FLT1: variants seen among roughly 807,000 people sequenced by gnomAD.
FLT1 encodes the protein fms related receptor tyrosine kinase 1.
A neutral mutation model predicts 156.3 loss-of-function variants in FLT1; 49 were observed. The observed-to-expected ratio is 0.31, with a 90% CI of 0.25 to 0.40. The LOEUF is 0.40. Ranked by LOEUF, FLT1 falls within the 10% of genes least tolerant of loss-of-function variation. FLT1 has a pLI of 1.00. For synonymous variants in FLT1, 594 were observed against 583.8 expected, an observed-to-expected ratio of 1.02 and a Z score of -0.25; for missense variants, 1,322 against 1,637.2, an observed-to-expected ratio of 0.81 and a Z score of 3.32.
intron 12 of FLT1, among the ~76,000 whole-genome samples, chr13:28,392,550 T>C (rs188019116): frequency 1.4e-4 from 22 of 152,298 alleles, no homozygotes; most frequent in Non-Finnish European, 2.5e-4. Context: ...AGTAACACCA[T>C]TGAGATCGTG....
intron 15 of FLT1, 38 bp downstream of exon 15, chr13:28,357,516 T>A (rs1449831927): frequency 4.3e-6 from 7 of 1,610,360 alleles, no homozygotes; most frequent in Non-Finnish European, 5.9e-6. Context: ...AATAGATGTC[T>A]GACCAATTTC....
intron 11 of FLT1, among the ~76,000 whole-genome samples, chr13:28,400,956 C>A (rs1051382054): frequency 3.9e-5 from 6 of 152,108 alleles, no homozygotes; most frequent in Admixed American, 3.9e-4. Context: ...CCTGATGCGG[C>A]GGCTCAGGCC....
In FLT1 at chr13:28,302,466, A is replaced by G; in HGVS notation, c.*701T>C. On this transcript the variant is annotated 3_prime_UTR_variant, in exon 30 of 30. Transcript: ENST00000282397. ...TCTAAAATTTGCTTTAGTTCCAAAAAAGATATTTGTCCTTTTCTTGCCTCC... is the reference window on the plus strand; with the variant it reads ...TCTAAAATTTGCTTTAGTTCCAAAAGAGATATTTGTCCTTTTCTTGCCTCC... 4.3e-6 allele frequency: 1 copy of G among 233,288 alleles called. No individual in the cohort carries two copies. The highest frequency in any genetic ancestry group is 8.5e-6 in the Non-Finnish European group (1 of 118,058). The allele number at this position is 233,288 out of a possible 1,614,324, so 14.5% of individuals were successfully genotyped here. A position where few individuals can be genotyped will look rare whatever the true frequency, so the allele number is the denominator to read the frequency against.
rs967629139 is a variant in FLT1, at chr13:28,302,301, C to T, written c.*866G>A. 1.3e-5 allele frequency: 3 copies of T among 233,162 alleles called. No individual in the cohort carries two copies. The highest frequency in any genetic ancestry group is 2.5e-5 in the Non-Finnish European group (3 of 118,062). The allele number at this position is 233,162 out of a possible 1,614,324, so 14.4% of individuals were successfully genotyped here. A position where few individuals can be genotyped will look rare whatever the true frequency, so the allele number is the denominator to read the frequency against. ...TAAGGCCATCATGGCCTGGAGACAA[C>T]CTAACTCTGGCTAAGTTTTCAGTGC... On this transcript the variant is annotated 3_prime_UTR_variant, in exon 30 of 30. Coordinates refer to ENST00000282397, the MANE Select transcript of FLT1 (RefSeq NM_002019.4).
At chr13:28,477,564 A>G (rs1348974544) in intron 1 of FLT1, among the ~76,000 whole-genome samples, 2 of 152,238 alleles carry the variant, frequency 1.3e-5, no homozygotes, top group African/African-American at 4.8e-5. Context: ...TCGGTAGAGA[A>G]GTCTGGTAGA....
intron 14 of FLT1, among the ~76,000 whole-genome samples, chr13:28,382,181 C>G (rs1386181142): frequency 6.6e-6 from 1 of 152,192 alleles, no homozygotes; most frequent in Non-Finnish European, 1.5e-5. Context: ...CACGGAGGAT[C>G]TGCCTCCTAT....
In FLT1 at chr13:28,434,229, G is replaced by C. The variant is rs1474848092; in HGVS notation, c.514-9C>G. ...AAAGTGTCAAGTGGAAACTGAAAAG[G>C]AAGAGGCATGCATTAACAAGGTCCT... On this transcript the variant is annotated splice_polypyrimidine_tract_variant and intron_variant, in intron 4 of 29. Coordinates refer to ENST00000282397, the MANE Select transcript of FLT1 (RefSeq NM_002019.4). The C allele has an allele frequency of 6.2e-7, 1 of 1,613,696 alleles. No homozygotes were observed.
intron 1 of FLT1, among the ~76,000 whole-genome samples, chr13:28,470,289 C>T (rs974526750): frequency 3.9e-5 from 6 of 152,150 alleles, no homozygotes; most frequent in South Asian, 2.1e-4. Flanking sequence ...TCTGTGGAAA[C>T]GCCAGACTTT....
At chr13:28,476,825 T>G (rs1880574906) in intron 1 of FLT1, among the ~76,000 whole-genome samples, 1 of 152,230 alleles carries the variant, frequency 6.6e-6, no homozygotes, top group Non-Finnish European at 1.5e-5. Context: ...TTTCAATAAT[T>G]CTGCTCTGGT....
At chr13:28,350,465 T>C (rs1192940393) in intron 15 of FLT1, among the ~76,000 whole-genome samples, 1 of 152,110 alleles carries the variant, frequency 6.6e-6, no homozygotes, top group Non-Finnish European at 1.5e-5. Context: ...CTGACGTCTC[T>C]GCAGCTGCGC....
At position 28,412,334 on chromosome 13, in the gene FLT1, C is replaced by CTTTCTTTCTTTCTTTCTTTCTTTCT. The variant is rs1566012842; in HGVS notation, c.1437-6441_1437-6440insAGAAAGAAAGAAAGAAAGAAAGAAA. The stretch of plus-strand genomic sequence containing the variant: ...CTTTCTTTCTTTCTTTCTTTCTTTT[C>CTTTCTTTCTTTCTTTCTTTCTTTCT]TTTCTTTCTTTCTTTCTCTTTCTTT... On this transcript the variant is annotated intron_variant, in intron 10 of 29. Coordinates refer to ENST00000282397, the MANE Select transcript of FLT1 (RefSeq NM_002019.4). Among the ~76,000 whole-genome samples, 89 of 59,204 alleles carry CTTTCTTTCTTTCTTTCTTTCTTTCT rather than the reference C, an allele frequency of 1.5e-3. 2 individuals are homozygous for CTTTCTTTCTTTCTTTCTTTCTTTCT. Among genetic ancestry groups the CTTTCTTTCTTTCTTTCTTTCTTTCT allele is most frequent in the Non-Finnish European group, 2.9e-3 (80 of 27,332 alleles). The allele number at this position is 59,204 out of a possible 152,430, so 38.8% of individuals were successfully genotyped here.
chr13:28,358,230 C>T (rs1872975609), intron 14 of FLT1, among the ~76,000 whole-genome samples: 1 of 152,164 alleles, frequency 6.6e-6, no homozygotes. Context: ...ACATTTGTGA[C>T]ATATGGGTCA....
At chr13:28,324,007 T>G (rs1443033042) in intron 20 of FLT1, among the ~76,000 whole-genome samples, 1 of 152,216 alleles carries the variant, frequency 6.6e-6, no homozygotes, top group Non-Finnish European at 1.5e-5. Flanking sequence ...TCATGCGATC[T>G]TGGGCAAGTC....
In FLT1 at chr13:28,372,019, G is replaced by GGTGTGTGT. The variant is rs142534765; in HGVS notation, c.2116+12858_2116+12865dup. On this transcript the variant is annotated intron_variant, in intron 14 of 29. Coordinates refer to ENST00000282397, the MANE Select transcript of FLT1 (RefSeq NM_002019.4). ...ATATCTATTGAATGAATAAATCATT[G>GGTGTGTGT]GTGTGTGTGTGTGTGTGTGTGTGTG... Among the ~76,000 whole-genome samples the GGTGTGTGT allele has an allele frequency of 8.3e-3, 204 of 24,642 alleles. 3 individuals are homozygous for GGTGTGTGT. The highest frequency in any genetic ancestry group is 0.022 in the South Asian group (10 of 462). 16.2% of individuals were successfully genotyped at this position (24,642 alleles called of 152,430 possible). A position where few individuals can be genotyped will look rare whatever the true frequency, so the allele number is the denominator to read the frequency against.
intron 15 of FLT1, among the ~76,000 whole-genome samples, chr13:28,356,006 G>T (rs1872884597): frequency 6.6e-6 from 1 of 152,196 alleles, no homozygotes; most frequent in Non-Finnish European, 1.5e-5. Flanking sequence ...TCATACCCAG[G>T]CTCCTCCCAG....
chr13:28,403,662 C>A (rs1309553011), intron 11 of FLT1, among the ~76,000 whole-genome samples: 6 of 152,192 alleles, frequency 3.9e-5, no homozygotes, highest in Non-Finnish European at 1.5e-5. Flanking sequence ...TTGACACAAC[C>A]AATGAATGGC....
chr13:28,388,918 T>G (rs183577527), intron 13 of FLT1: 5 of 1,057,738 alleles, frequency 4.7e-6, no homozygotes, highest in Non-Finnish European at 5.7e-6. Flanking sequence ...TCAATAGCTG[T>G]GTGGTGCAGT....
chr13:28,346,835 CTTA>C lies in FLT1; in HGVS notation c.2249-1287_2249-1285del, dbSNP rs149897596. Among the ~76,000 whole-genome samples, 1,102 of 152,222 alleles carry C rather than the reference CTTA, an allele frequency of 7.2e-3. 12 individuals carry two copies. Among genetic ancestry groups the C allele is most frequent in the African/African-American group, 0.025 (1,046 of 41,522 alleles). ...GGATGAGGATCTAATTTGCTGAGCA[CTTA>C]TTATATTCTAAGCATGCAAACTATG... is the stretch of plus-strand genomic sequence containing the variant. On this transcript the variant is annotated intron_variant, in intron 15 of 29. Transcript: ENST00000282397.
chr13:28,457,933 C>CTTTTTTTTTTTTTTTT (rs894090277), intron 3 of FLT1, among the ~76,000 whole-genome samples: 1 of 114,210 alleles, frequency 8.8e-6, no homozygotes, highest in African/African-American at 3.7e-5. Flanking sequence ...CTTTCCTTTT[C>CTTTTTTTTTTTTTTTT]TTTTTTTTTT....
Sources: allele counts gnomAD v4.1 joint callset (sites outside exome capture counted in the v4.1 genomes callset), GRCh38; gene constraint gnomAD v4.1.1; transcripts MANE v1.5; gene names NCBI Gene and HGNC (gene_info 2026-07-23, HGNC 2026-07-21).